Variants in INPP4A observed in about 807,000 individuals in gnomAD.
INPP4A encodes inositol polyphosphate-4-phosphatase type I A, also known as inositol polyphosphate-4-phosphatase, type I, 107kD.
INPP4A carries 33 observed loss-of-function variants against 119.8 expected under a neutral mutation model. The observed-to-expected ratio is 0.28, with a 90% CI of 0.21 to 0.37. The LOEUF (loss-of-function observed/expected upper bound fraction) is 0.37. INPP4A is among the 10% of genes least tolerant of loss of function. INPP4A has a pLI of 1.00. For synonymous variants in INPP4A, 496 were observed against 500.7 expected (o/e 0.99, Z 0.12); for missense variants, 956 against 1,289.9 (o/e 0.74, Z 3.97).
intron 1 of INPP4A, among the ~76,000 whole-genome samples, chr2:98,512,629 T>G (rs1685339212): frequency 6.6e-6 from 1 of 152,182 alleles, no homozygotes; most frequent in African/African-American, 2.4e-5. Context: ...CTCCCCTCAC[T>G]CCTACAGAAA....
In INPP4A at chr2:98,570,542, T is replaced by A. The variant is rs1459694621; in HGVS notation, c.2518+1874T>A. 6.6e-6 allele frequency among the ~76,000 whole-genome samples: 1 copy of A among 151,952 alleles called. No homozygotes were observed. The highest frequency in any genetic ancestry group is 1.5e-5 in the Non-Finnish European group (1 of 67,980). On this transcript the variant is annotated intron_variant, in intron 22 of 24. Transcript: ENST00000409851. This position sits in a 1 kb window ranked among gnomAD's most constrained non-coding sequence, Gnocchi z 4.3. The stretch of plus-strand genomic sequence containing the variant: ...TGCTGCCCTGGAATGGACCACTTTG[T>A]CCCAAAGACTGTCAGCAACTTGAGG...
rs1209447628 is a variant in INPP4A at position 98,563,710 on chromosome 2, T to C, written c.2028+73T>C. The C allele has an allele frequency of 2.7e-6, 4 of 1,480,740 alleles. No homozygotes were observed. In the East Asian group the frequency reaches 9.2e-5, roughly 34 times the overall value. 91.7% of individuals were successfully genotyped at this position (1,480,740 alleles called of 1,614,324 possible). On this transcript the variant is annotated intron_variant, in intron 18 of 24. Transcript: ENST00000409851. ...CAGAAAAGACAGGCTTAGGAAGCCC[T>C]TCCCTCTCACTTCACTTGTAAAAGA...
At position 98,588,255 on chromosome 2, in the gene INPP4A, C is replaced by T. The variant is rs949655114; in HGVS notation, c.*647C>T. 4.8e-6 allele frequency: 1 copy of T among 208,112 alleles called. No individual in the cohort carries two copies. Among genetic ancestry groups the T allele is most frequent in the Admixed American group, 5.9e-5 (1 of 16,876 alleles). 12.9% of individuals were successfully genotyped at this position (208,112 alleles called of 1,614,324 possible). ...AAGGTACCCCACATAGTTGGGGCCA[C>T]TCTTTTTTCTGTCCCTTATGAGTTA... is the stretch of plus-strand genomic sequence containing the variant. On this transcript the variant is annotated 3_prime_UTR_variant, in exon 25 of 25. Coordinates refer to ENST00000409851, the MANE Select transcript of INPP4A (RefSeq NM_001134225.2).
At position 98,554,760 on chromosome 2, in the gene INPP4A, G is replaced by A. The variant is rs551463830; in HGVS notation, c.1566+271G>A. Among the ~76,000 whole-genome samples the A allele has an allele frequency of 2.3e-4, 35 of 152,298 alleles. 3 individuals carry two copies. The East Asian group carries it at 2.7e-3, about 12-fold the overall frequency. On this transcript the variant is annotated intron_variant, in intron 15 of 24. Coordinates refer to ENST00000409851, the MANE Select transcript of INPP4A (RefSeq NM_001134225.2). This position sits in a 1 kb window ranked among gnomAD's most constrained non-coding sequence, Gnocchi z 4.7. ...AGGAAGACAAGTGGGTTTTCCTCCC[G>A]TGTTGGAGGTCTCTCCTTCCCCTGC...
At chr2:98,499,540 T>A (rs1229272384) in intron 1 of INPP4A, among the ~76,000 whole-genome samples, 1 of 152,248 alleles carries the variant, frequency 6.6e-6, no homozygotes, top group African/African-American at 2.4e-5. Context: ...CCAAAATTTA[T>A]GCCTTAAAAG....
intron 24 of INPP4A, among the ~76,000 whole-genome samples, chr2:98,585,628 G>A (rs746953173): frequency 3.3e-5 from 5 of 152,202 alleles, no homozygotes; most frequent in Non-Finnish European, 5.9e-5. Context: ...CAGCTCGTCC[G>A]CACAGGCAGG....
In INPP4A at chr2:98,565,736, C is replaced by T. The variant is rs749814576; in HGVS notation, c.2249C>T (p.Ala750Val). ...KVTQATSSASADMLPVITGNR... is the reference protein window; with the variant it reads ...KVTQATSSASVDMLPVITGNR... ...ACTCAGGCCACTTCCAGCGCCTCCG[C>T]AGACATGCTGCCCGTCATCACAGGA... The change falls in exon 20 of 25, where the codon GCA (alanine) becomes GTA (valine). Residue 750 changes from alanine to valine, a missense_variant. Ala to Val is a moderately conservative substitution (Grantham distance 64). This residue lies in a region of INPP4A where 304 missense variants were observed against 492.1 expected (regional missense o/e 0.62). Transcript: ENST00000409851. 6.2e-7 allele frequency: 1 copy of T among 1,613,000 alleles called. No homozygotes were observed. The highest frequency in any genetic ancestry group is 2.2e-5 in the East Asian group (1 of 44,856).
At chr2:98,568,788 C>G in intron 22 of INPP4A, 120 bp downstream of exon 22, 1 of 658,376 alleles carries the variant, frequency 1.5e-6, no homozygotes, top group Non-Finnish European at 2.8e-6. Context: ...GTGCACTGTT[C>G]CCTTTCTCCC....
At chr2:98,482,713 T>A (rs569046803) in intron 1 of INPP4A, among the ~76,000 whole-genome samples, 2 of 152,372 alleles carry the variant, frequency 1.3e-5, no homozygotes, top group African/African-American at 4.8e-5. Context: ...TGGGATGTGA[T>A]GCAAAAAGAT....
At chr2:98,572,047 A>C (rs866538737) in intron 22 of INPP4A, 2 of 152,546 alleles carry the variant, frequency 1.3e-5, no homozygotes, top group Non-Finnish European at 2.9e-5. Flanking sequence ...GTTAGATCCC[A>C]AGTGCTGCCA....
At chr2:98,478,496 G>C (rs1677723373) in intron 1 of INPP4A, among the ~76,000 whole-genome samples, 1 of 152,244 alleles carries the variant, frequency 6.6e-6, no homozygotes, top group Admixed American at 6.5e-5. Context: ...GAGTCAAGGC[G>C]AGGCAGGGCT....
At chr2:98,514,241 A>T (rs1365765083) in intron 1 of INPP4A, among the ~76,000 whole-genome samples, 1 of 152,050 alleles carries the variant, frequency 6.6e-6, no homozygotes, top group Non-Finnish European at 1.5e-5. Context: ...GGCTCAGGGG[A>T]TGTGTTCAGG....
At chr2:98,558,610 G>A (rs1694904056) in intron 16 of INPP4A, among the ~76,000 whole-genome samples, 1 of 152,208 alleles carries the variant, frequency 6.6e-6, no homozygotes, top group Admixed American at 6.5e-5. Context: ...CTGTTCTTGG[G>A]GATCCGAGAC....
chr2:98,490,483 A>G (rs569875580), intron 1 of INPP4A, among the ~76,000 whole-genome samples: 2 of 152,132 alleles, frequency 1.3e-5, no homozygotes, highest in South Asian at 4.2e-4. Context: ...TCACAGAGGT[A>G]CCTCAAGTCC....
At chr2:98,468,042 C>T (rs193088456) in intron 1 of INPP4A, among the ~76,000 whole-genome samples, 1 of 152,248 alleles carries the variant, frequency 6.6e-6, no homozygotes, top group Non-Finnish European at 1.5e-5. Context: ...AGTTCCACAA[C>T]TAAGTTTTAC....
intron 13 of INPP4A, among the ~76,000 whole-genome samples, chr2:98,551,279 A>C (rs1693470545): frequency 6.6e-6 from 1 of 152,118 alleles, no homozygotes; most frequent in South Asian, 2.1e-4. Context: ...CTATTTTGAG[A>C]TTGTCTTTTT....
intron 1 of INPP4A, among the ~76,000 whole-genome samples, chr2:98,509,893 A>G (rs1684806398): frequency 6.6e-6 from 1 of 152,198 alleles, no homozygotes; most frequent in Admixed American, 6.5e-5. Context: ...GTCCCAAAGA[A>G]CTCCAGGAGA....
At chr2:98,526,903 T>TG (rs1482887203) in intron 4 of INPP4A, among the ~76,000 whole-genome samples, 5 of 152,148 alleles carry the variant, frequency 3.3e-5, no homozygotes, top group Admixed American at 1.3e-4. Context: ...AAACAGGTCT[T>TG]GCGTAAACTC....
At chr2:98,537,232 TAGAA>T (rs1387104551) in intron 7 of INPP4A, among the ~76,000 whole-genome samples, 1 of 152,176 alleles carries the variant, frequency 6.6e-6, no homozygotes, top group Non-Finnish European at 1.5e-5. Context: ...ACCTTGTAAA[TAGAA>T]AGCCTGAAGT....
Sources: allele counts gnomAD v4.1 joint callset (sites outside exome capture counted in the v4.1 genomes callset), GRCh38; gene constraint gnomAD v4.1.1; regional missense constraint gnomAD v4.1.1; non-coding constraint Gnocchi (gnomAD v3.1); transcripts MANE v1.5; gene names NCBI Gene and HGNC (gene_info 2026-07-23, HGNC 2026-07-21).